NLGN1: variants seen among roughly 807,000 people sequenced by gnomAD.
The protein encoded by NLGN1 is neuroligin-1.
A neutral mutation model predicts 65.5 loss-of-function variants in NLGN1; 12 were observed. That is an observed-to-expected ratio of 0.18 (90% confidence interval 0.12 to 0.30). The LOEUF (loss-of-function observed/expected upper bound fraction) is 0.30. NLGN1 is among the 10% of genes least tolerant of loss of function. The pLI is 1.00. For synonymous variants in NLGN1, 350 were observed against 359.5 expected, an observed-to-expected ratio of 0.97 and a Z score of 0.30; for missense variants, 750 against 1,007.1, an observed-to-expected ratio of 0.74 and a Z score of 3.46.
intron 4 of NLGN1, among the ~76,000 whole-genome samples, chr3:174,182,751 C>G (rs558864797): frequency 6.6e-6 from 1 of 152,254 alleles, no homozygotes; most frequent in Admixed American, 6.5e-5. Context: ...GAAGAATGGA[C>G]ACTGAGAAAA....
At chr3:173,797,132 CAT>C (rs1714265977) in intron 3 of NLGN1, among the ~76,000 whole-genome samples, 1 of 152,036 alleles carries the variant, frequency 6.6e-6, no homozygotes, top group Non-Finnish European at 1.5e-5. Flanking sequence ...AATCCAGAAG[CAT>C]ATGTTTACTC....
intron 4 of NLGN1, among the ~76,000 whole-genome samples, chr3:174,264,958 T>C (rs1747739198): frequency 6.6e-6 from 1 of 152,136 alleles, no homozygotes; most frequent in South Asian, 2.1e-4. Context: ...GGTGTCAGTG[T>C]GCCCCTGCTG....
At chr3:173,803,748 T>A (rs968654814) in intron 3 of NLGN1, among the ~76,000 whole-genome samples, 1 of 152,206 alleles carries the variant, frequency 6.6e-6, no homozygotes, top group African/African-American at 2.4e-5. Context: ...AACACTTCTA[T>A]GTTCATTCAG....
At chr3:173,523,693 C>T (rs1351262207) in intron 2 of NLGN1, among the ~76,000 whole-genome samples, 2 of 151,578 alleles carry the variant, frequency 1.3e-5, no homozygotes, top group South Asian at 2.1e-4. Flanking sequence ...TAATGTGATG[C>T]CTCCAGATTT....
intron 2 of NLGN1, among the ~76,000 whole-genome samples, chr3:173,477,903 A>T (rs953106317): frequency 6.6e-6 from 1 of 152,158 alleles, no homozygotes; most frequent in Non-Finnish European, 1.5e-5. Flanking sequence ...TCAAGAAAAA[A>T]TAGATGCTGG....
intron 4 of NLGN1, among the ~76,000 whole-genome samples, chr3:174,224,815 C>G (rs528925377): frequency 6.6e-6 from 1 of 152,292 alleles, no homozygotes; most frequent in South Asian, 2.1e-4. Flanking sequence ...GAGATGGTCA[C>G]TGAAATACTT....
chr3:174,173,945 C>T (rs1728993200), intron 4 of NLGN1, among the ~76,000 whole-genome samples: 1 of 151,926 alleles, frequency 6.6e-6, no homozygotes, highest in African/African-American at 2.4e-5. Flanking sequence ...ATACACTGCA[C>T]CCAATTAGTG....
intron 3 of NLGN1, among the ~76,000 whole-genome samples, chr3:173,774,683 C>T (rs1004991397): frequency 6.6e-6 from 1 of 152,048 alleles, no homozygotes; most frequent in African/African-American, 2.4e-5. Context: ...TTTCTTTGTT[C>T]AATTTAAGAT....
intron 4 of NLGN1, among the ~76,000 whole-genome samples, chr3:174,255,202 G>A (rs919011146): frequency 2.6e-5 from 4 of 152,132 alleles, no homozygotes; most frequent in South Asian, 2.1e-4. Flanking sequence ...TTGGGAGGCC[G>A]AGGTGGGCGG....
chr3:174,112,451 G>A (rs1235059600), intron 4 of NLGN1, among the ~76,000 whole-genome samples: 2 of 151,812 alleles, frequency 1.3e-5, no homozygotes, highest in Admixed American at 1.3e-4. Flanking sequence ...TGTGAGAGAA[G>A]CCACTATTCT....
At chr3:173,816,481 T>C (rs1050602119) in intron 4 of NLGN1, among the ~76,000 whole-genome samples, 6 of 152,196 alleles carry the variant, frequency 3.9e-5, no homozygotes, top group African/African-American at 1.4e-4. Flanking sequence ...GATGATCAAG[T>C]AAAAACTCTT....
At chr3:174,082,095 A>T (rs1423043647) in intron 4 of NLGN1, among the ~76,000 whole-genome samples, 1 of 152,218 alleles carries the variant, frequency 6.6e-6, no homozygotes, top group African/African-American at 2.4e-5. Context: ...ATTAAAATGA[A>T]GATCTAAGAA....
chr3:173,685,416 A>G (rs1764542990), intron 3 of NLGN1, among the ~76,000 whole-genome samples: 1 of 152,230 alleles, frequency 6.6e-6, no homozygotes. Context: ...AAATGCATCA[A>G]TAATTTGAAC....
At chr3:173,443,494 G>A (rs1719605317) in intron 2 of NLGN1, among the ~76,000 whole-genome samples, 1 of 151,864 alleles carries the variant, frequency 6.6e-6, no homozygotes, top group Non-Finnish European at 1.5e-5. Context: ...ATTTTTGAAA[G>A]CATTTAATGA....
chr3:173,468,916 G>A lies in NLGN1; in HGVS notation c.-321+33838G>A, dbSNP rs533076377. On this transcript the variant is annotated intron_variant, in intron 2 of 6. Transcript: ENST00000457714. ...ATAGGAAACTGTGTTCTGGAGTTGA[G>A]GAACTGATCTGACTTGGTGTGTGAC... 2.0e-5 allele frequency among the ~76,000 whole-genome samples: 3 copies of A among 152,206 alleles called. No individual in the cohort carries two copies. The South Asian group carries it at 6.2e-4, about 32-fold the overall frequency.
At chr3:173,825,806 C>G (rs1031490708) in intron 4 of NLGN1, among the ~76,000 whole-genome samples, 3 of 151,998 alleles carry the variant, frequency 2.0e-5, no homozygotes, top group Non-Finnish European at 4.4e-5. Flanking sequence ...TCTTTTGCTA[C>G]AAGATATGTT....
Position 173,684,983 on chromosome 3 carries a change from C to T in NLGN1, c.493+79892C>T, listed in dbSNP as rs150123898. Among the ~76,000 whole-genome samples the T allele has an allele frequency of 1.4e-4, 21 of 151,864 alleles. No homozygotes were observed. In the East Asian group the frequency reaches 3.7e-3, roughly 27 times the overall value. ...TTTGCATGTAGATAATATATTATTT[C>T]GTACTGATAGATTTTAATGTGTGCC... On this transcript the variant is annotated intron_variant, in intron 3 of 6. Coordinates refer to ENST00000457714, the Ensembl canonical transcript of NLGN1.
chr3:173,450,535 G>A (rs1202131799), intron 2 of NLGN1, among the ~76,000 whole-genome samples: 61 of 152,060 alleles, frequency 4.0e-4, no homozygotes, highest in Non-Finnish European at 1.5e-5. Context: ...TGACAATTAT[G>A]TGTCTTGGAG....
chr3:173,833,504 C>T (rs974523067), intron 4 of NLGN1, among the ~76,000 whole-genome samples: 1 of 151,360 alleles, frequency 6.6e-6, no homozygotes, highest in Non-Finnish European at 1.5e-5. Context: ...CATAGTTTAT[C>T]CTCTATCTTT....
Sources: allele counts gnomAD v4.1 joint callset (sites outside exome capture counted in the v4.1 genomes callset), GRCh38; gene constraint gnomAD v4.1.1; transcripts MANE v1.5; gene names NCBI Gene and HGNC (gene_info 2026-07-23, HGNC 2026-07-21).